Variants in GSE1 observed in about 807,000 individuals in gnomAD.
GSE1 encodes the protein Gse1 coiled-coil protein.
Under a neutral mutation model 112.6 loss-of-function variants are expected in GSE1, and 32 were observed. The observed-to-expected ratio is 0.28, with a 90% CI of 0.21 to 0.38. The LOEUF is 0.38. Among genes scored for constraint, GSE1 ranks in the 10% least tolerant of loss-of-function variants. GSE1 has a pLI of 1.00. For missense variants in GSE1, 2,348 were observed against 1,699.2 expected, an observed-to-expected ratio of 1.38 and a Z score of -6.71; for synonymous variants, 1,115 against 735.6, an observed-to-expected ratio of 1.52 and a Z score of -8.35.
chr16:85,198,967 C>T (rs1039076493), intron 1 of GSE1, among the ~76,000 whole-genome samples: 7 of 150,344 alleles, frequency 4.7e-5, no homozygotes, highest in African/African-American at 1.5e-4. Context: ...TTTTGGGAGA[C>T]GGAGTCTCGC....
chr16:85,514,550 G>A (rs2051861859), intron 2 of GSE1, among the ~76,000 whole-genome samples: 1 of 152,118 alleles, frequency 6.6e-6, no homozygotes, highest in South Asian at 2.1e-4. Context: ...TGACACCGCT[G>A]GAAGCTTGGC....
At chr16:85,639,527 G>A (rs1414423276) in intron 2 of GSE1, among the ~76,000 whole-genome samples, 4 of 152,220 alleles carry the variant, frequency 2.6e-5, no homozygotes, top group East Asian at 1.9e-4. Flanking sequence ...CGGGTGTGTC[G>A]GGATCCCCCC....
chr16:85,238,925 T>C (rs1291418784), intron 1 of GSE1, among the ~76,000 whole-genome samples: 1 of 152,154 alleles, frequency 6.6e-6, no homozygotes, highest in Non-Finnish European at 1.5e-5. Context: ...GGGAGGACAG[T>C]GGCATTTTCT....
chr16:85,624,506 C>A (rs1158341578), intron 1 of GSE1, among the ~76,000 whole-genome samples: 1 of 152,218 alleles, frequency 6.6e-6, no homozygotes, highest in Non-Finnish European at 1.5e-5. Flanking sequence ...GGTGGGCACC[C>A]AAACAGCCGC....
At position 85,419,605 on chromosome 16, in the gene GSE1, CAAA is replaced by C. The variant is rs35813254; in HGVS notation, c.2464+61972_2464+61974del. ...TGGGCAATAGAGCAAGGCTGTGTCT[CAAA>C]AAAAAAAAACAAAAAACAAAAAACA... On this transcript the variant is annotated intron_variant, in intron 2 of 2. Transcript: ENST00000637419. This position sits in a 1 kb window ranked among gnomAD's most constrained non-coding sequence, Gnocchi z 6.5. Among the ~76,000 whole-genome samples, 2 of 145,608 alleles carry C rather than the reference CAAA, an allele frequency of 1.4e-5. No homozygotes were observed. Among genetic ancestry groups the C allele is most frequent in the East Asian group, 2.0e-4 (1 of 5,004 alleles).
At chr16:85,489,510 G>A (rs1463710135) in intron 2 of GSE1, among the ~76,000 whole-genome samples, 4 of 152,086 alleles carry the variant, frequency 2.6e-5, no homozygotes, top group African/African-American at 9.7e-5. Context: ...GGACTGTGCA[G>A]CCATCGGACC....
intron 14 of GSE1, among the ~76,000 whole-genome samples, chr16:85,670,300 G>A (rs1354290427): frequency 6.6e-6 from 1 of 152,176 alleles, no homozygotes; most frequent in Admixed American, 6.5e-5. Flanking sequence ...GAGAGGCACT[G>A]GTGGGGCCCT....
At chr16:85,368,346 G>C (rs1242657182) in intron 2 of GSE1, among the ~76,000 whole-genome samples, 1 of 152,176 alleles carries the variant, frequency 6.6e-6, no homozygotes, top group African/African-American at 2.4e-5. Flanking sequence ...CATCGGAGGA[G>C]AGCCTTGGCT....
chr16:85,568,404 G>A (rs2045848780), intron 1 of GSE1, among the ~76,000 whole-genome samples: 1 of 152,230 alleles, frequency 6.6e-6, no homozygotes, highest in Non-Finnish European at 1.5e-5. Flanking sequence ...TAAGGGTGTT[G>A]TTTCTTGTCA....
chr16:85,647,911 C>A lies in GSE1; in HGVS notation c.227-641C>A, dbSNP rs539372317. ...GTGCTGACCGCTTCTTGTGTTTGTT[C>A]CCTGCTGCACTGCAGCCCCATGTCT... On this transcript the variant is annotated intron_variant, in intron 2 of 15. Coordinates refer to ENST00000253458, the MANE Select transcript of GSE1 (RefSeq NM_014615.5). 2.6e-4 allele frequency among the ~76,000 whole-genome samples: 39 copies of A among 152,228 alleles called. 1 individual carries two copies. The East Asian group carries it at 7.6e-3, about 30-fold the overall frequency.
At chr16:85,247,654 G>A (rs894272553) in intron 1 of GSE1, among the ~76,000 whole-genome samples, 3 of 152,350 alleles carry the variant, frequency 2.0e-5, no homozygotes, top group East Asian at 3.9e-4. Flanking sequence ...CAGCAGCAGC[G>A]TTGGGGCTCC....
chr16:85,334,630 G>T (rs1287030755), intron 1 of GSE1, among the ~76,000 whole-genome samples: 1 of 152,200 alleles, frequency 6.6e-6, no homozygotes, highest in Admixed American at 6.5e-5. Context: ...CTTGTGAGGA[G>T]CCCCTTATTG....
Position 85,506,581 on chromosome 16 carries a change from G to T in GSE1, c.2465-127333G>T, listed in dbSNP as rs80223118. Reference sequence around the variant, plus strand: ...GAAGGCGTGTTTTGAGGATGGAAGAGGAGGTTGGCCCAGGTAGGGGAAAAC... The same window carrying T: ...GAAGGCGTGTTTTGAGGATGGAAGATGAGGTTGGCCCAGGTAGGGGAAAAC... On this transcript the variant is annotated intron_variant, in intron 2 of 2. Transcript: ENST00000637419. 7.0e-3 allele frequency among the ~76,000 whole-genome samples: 1,073 copies of T among 152,240 alleles called. 14 individuals carry two copies. Among genetic ancestry groups the T allele is most frequent in the African/African-American group, 0.025 (1,022 of 41,520 alleles).
At chr16:85,214,888 C>A (rs887935454) in intron 1 of GSE1, among the ~76,000 whole-genome samples, 1 of 152,178 alleles carries the variant, frequency 6.6e-6, no homozygotes, top group East Asian at 1.9e-4. Context: ...ACTCTGAGAG[C>A]GGACCCTGTG....
At chr16:85,462,327 C>G (rs1486029532) in intron 2 of GSE1, among the ~76,000 whole-genome samples, 2 of 152,036 alleles carry the variant, frequency 1.3e-5, no homozygotes, top group Admixed American at 1.3e-4. Flanking sequence ...CGCCACCTGG[C>G]TTTTGCTGGG....
chr16:85,210,872 C>T (rs1343566837), intron 1 of GSE1, among the ~76,000 whole-genome samples: 1 of 152,220 alleles, frequency 6.6e-6, no homozygotes, highest in Non-Finnish European at 1.5e-5. Context: ...GCCACCTGGA[C>T]TCTTCTTCTG....
intron 1 of GSE1, among the ~76,000 whole-genome samples, chr16:85,323,501 C>T (rs146224821): frequency 4.6e-5 from 7 of 152,240 alleles, no homozygotes; most frequent in South Asian, 2.1e-4. Flanking sequence ...GGAAAGTCGC[C>T]GGCCTGGAGG....
rs1241507967 is a variant in GSE1, at chr16:85,468,267, T to G, written c.2464+110624T>G. Among the ~76,000 whole-genome samples the G allele has an allele frequency of 2.7e-5, 4 of 150,404 alleles. No homozygotes were observed. In the East Asian group the frequency reaches 7.9e-4, roughly 30 times the overall value. On this transcript the variant is annotated intron_variant, in intron 2 of 2. Coordinates refer to the GSE1 transcript ENST00000637419. ...CTCTCAGAGCCTCAGCCTCCCTAACTCCTTGAAGGGCTGGACCAGCTTCTT... is the reference window on the plus strand; with the variant it reads ...CTCTCAGAGCCTCAGCCTCCCTAACGCCTTGAAGGGCTGGACCAGCTTCTT...
chr16:85,199,206 C>T (rs1309083817), intron 1 of GSE1, among the ~76,000 whole-genome samples: 3 of 152,168 alleles, frequency 2.0e-5, no homozygotes, highest in Admixed American at 6.5e-5. Flanking sequence ...ATCCGCCCGC[C>T]TCGGCTTCTC....
Sources: allele counts gnomAD v4.1 joint callset (sites outside exome capture counted in the v4.1 genomes callset), GRCh38; gene constraint gnomAD v4.1.1; non-coding constraint Gnocchi (gnomAD v3.1); transcripts MANE v1.5; gene names NCBI Gene and HGNC (gene_info 2026-07-23, HGNC 2026-07-21).